The following CATSPERD variants were observed in gnomAD, a reference collection of about 807,000 sequenced individuals.
CATSPERD encodes the protein cation channel sperm-associated auxiliary subunit delta.
Under a neutral mutation model 98.1 loss-of-function variants are expected in CATSPERD, and 86 were observed. The observed-to-expected ratio is 0.88, with a 90% CI of 0.74 to 1.05. The LOEUF (loss-of-function observed/expected upper bound fraction) is 1.05, where lower values mean the gene tolerates loss of function less well. CATSPERD is among the 50% of genes least tolerant of loss of function. The pLI is 0.00. For synonymous variants in CATSPERD, 394 were observed against 390.2 expected, an observed-to-expected ratio of 1.01 and a Z score of -0.12; for missense variants, 995 against 1,005.7, an observed-to-expected ratio of 0.99 and a Z score of 0.14.
intron 19 of CATSPERD, chr19:5,772,214 A>ATTTTTTTTTTT (rs35847357): frequency 2.6e-5 from 4 of 154,422 alleles, no homozygotes; most frequent in South Asian, 3.7e-5. Flanking sequence ...TGCCCGGTTA[A>ATTTTTTTTTTT]TTTTTTTTTT....
At chr19:5,761,042 GTTTTTTT>G (rs34577823) in intron 15 of CATSPERD, among the ~76,000 whole-genome samples, 1 of 146,394 alleles carries the variant, frequency 6.8e-6, no homozygotes, top group Non-Finnish European at 1.5e-5. Context: ...TTTTGTTTTT[GTTTTTTT>G]TTTTGAGACG....
intron 11 of CATSPERD, among the ~76,000 whole-genome samples, chr19:5,751,431 G>T (rs1203539545): frequency 1.4e-5 from 2 of 143,842 alleles, no homozygotes; most frequent in Non-Finnish European, 3.0e-5. Flanking sequence ...CTACTCGGGA[G>T]GCTGAGGCAG....
At chr19:5,729,965 T>G in intron 4 of CATSPERD, 21 bp downstream of exon 4, 2 of 1,309,706 alleles carry the variant, frequency 1.5e-6, no homozygotes, top group Non-Finnish European at 2.2e-6. Flanking sequence ...TACTGAGTGA[T>G]CTGAAGGATG....
intron 2 of CATSPERD, among the ~76,000 whole-genome samples, chr19:5,725,364 T>G (rs934641632): frequency 2.0e-5 from 3 of 152,116 alleles, no homozygotes; most frequent in African/African-American, 7.2e-5. Flanking sequence ...TTGCCCAGGC[T>G]GGTCTCGAGC....
chr19:5,754,099 A>G, intron 12 of CATSPERD, 33 bp from the exon 13 acceptor site: 1 of 1,428,028 alleles, frequency 7.0e-7, no homozygotes, highest in Non-Finnish European at 9.9e-7. Context: ...GAACAGGAGC[A>G]TGATTATCTT....
intron 20 of CATSPERD, among the ~76,000 whole-genome samples, chr19:5,774,778 A>G (rs1227405173): frequency 1.3e-5 from 2 of 152,190 alleles, no homozygotes; most frequent in African/African-American, 4.8e-5. Context: ...GCACTTTGGG[A>G]GGCCGAGGTG....
intron 18 of CATSPERD, 101 bp downstream of exon 18, chr19:5,768,343 T>A (rs1416589112): frequency 2.7e-6 from 2 of 730,384 alleles, no homozygotes; most frequent in Admixed American, 3.7e-5. Flanking sequence ...TTTATTTATT[T>A]ATTATTATTA....
At chr19:5,767,162 A>G (rs2056553782) in intron 17 of CATSPERD, among the ~76,000 whole-genome samples, 1 of 150,676 alleles carries the variant, frequency 6.6e-6, no homozygotes, top group South Asian at 2.1e-4. Flanking sequence ...CTAAAAATAC[A>G]AAAAATTAGC....
intron 1 of CATSPERD, among the ~76,000 whole-genome samples, chr19:5,721,422 GGCGT>G (rs2055473055): frequency 6.6e-6 from 1 of 152,178 alleles, no homozygotes; most frequent in Admixed American, 6.6e-5. Flanking sequence ...TGGGATTGCA[GGCGT>G]GAGCCACCGC....
intron 4 of CATSPERD, among the ~76,000 whole-genome samples, chr19:5,730,315 C>T (rs144785816): frequency 4.6e-5 from 7 of 151,922 alleles, no homozygotes; most frequent in African/African-American, 1.2e-4. Context: ...GAGGCTGAGG[C>T]GGGCAGATCA....
At chr19:5,763,145 T>C in intron 15 of CATSPERD, 70 bp from the exon 16 acceptor site, 1 of 1,142,422 alleles carries the variant, frequency 8.8e-7, no homozygotes, top group Non-Finnish European at 1.3e-6. Flanking sequence ...GACTGAAGGA[T>C]GAATGGAATG....
At chr19:5,751,937 A>T (rs1039209674) in intron 12 of CATSPERD, 114 bp downstream of exon 12, 52 of 1,020,624 alleles carry the variant, frequency 5.1e-5, no homozygotes, top group Non-Finnish European at 6.4e-5. Flanking sequence ...CTGAGGCTGG[A>T]GGGTTGTTTG....
In CATSPERD at chr19:5,720,688, G is replaced by T. The variant is rs934469978; in HGVS notation, c.-50G>T. 13 of 1,562,940 alleles carry T rather than the reference G, an allele frequency of 8.3e-6. No individual in the cohort carries two copies. In the Admixed American group the frequency reaches 1.9e-4, roughly 23 times the overall value. On this transcript the variant is annotated 5_prime_UTR_variant, in exon 1 of 22. Transcript: ENST00000381624. The stretch of plus-strand genomic sequence containing the variant: ...CCTGCACGTACTCGGATTGTGCAGC[G>T]ACTCCCCGTGGCGGTTGAGGGGCAG...
rs79933914 is a variant in CATSPERD, at chr19:5,742,167, CGTGT to C, written c.574-2255_574-2252del. The stretch of plus-strand genomic sequence containing the variant: ...GTGTACGTGTGTGAACGTGTGTGTG[CGTGT>C]GTGTATGTATGTGAACGTGTGTGCG... On this transcript the variant is annotated intron_variant, in intron 7 of 21. Coordinates refer to ENST00000381624, the MANE Select transcript of CATSPERD (RefSeq NM_152784.4). Among the ~76,000 whole-genome samples the C allele has an allele frequency of 3.3e-4, 48 of 145,330 alleles. 1 individual carries two copies. In the South Asian group the frequency reaches 5.5e-3, roughly 17 times the overall value.
intron 11 of CATSPERD, 57 bp from the exon 12 acceptor site, chr19:5,751,590 T>C: frequency 1.4e-6 from 1 of 740,586 alleles, no homozygotes; most frequent in Non-Finnish European, 1.9e-6. Context: ...AAATAAAATT[T>C]AAACCTCCAG....
At chr19:5,727,452 G>T in intron 3 of CATSPERD, 108 bp downstream of exon 3, 1 of 830,700 alleles carries the variant, frequency 1.2e-6, no homozygotes. Flanking sequence ...GCCGTGTGTT[G>T]CTAGTTGCTG....
chr19:5,724,734 G>A, intron 1 of CATSPERD, 74 bp from the exon 2 acceptor site: 1 of 1,443,054 alleles, frequency 6.9e-7, no homozygotes, highest in Non-Finnish European at 9.8e-7. Context: ...GGTTAACCCT[G>A]AGTTGGCTGA....
At chr19:5,727,122 G>C (rs2055619988) in intron 2 of CATSPERD, 146 bp from the exon 3 acceptor site, 2 of 554,790 alleles carry the variant, frequency 3.6e-6, no homozygotes, top group Non-Finnish European at 6.4e-6. Context: ...GTGAACCTGG[G>C]AGGCGGAGCT....
chr19:5,776,596 C>T (rs2056746167), intron 21 of CATSPERD, among the ~76,000 whole-genome samples: 2 of 152,208 alleles, frequency 1.3e-5, no homozygotes, highest in South Asian at 4.1e-4. Context: ...CTCCCCATGG[C>T]TAGAGTGTGC....
Sources: gnomAD v4.1 joint callset for allele counts (sites outside exome capture counted in the v4.1 genomes callset) on GRCh38, gnomAD v4.1.1 for gene constraint, MANE v1.5 for transcripts, NCBI Gene and HGNC (gene_info 2026-07-23, HGNC 2026-07-21) for gene names.